Variants in FCHSD2 observed in about 807,000 individuals in gnomAD.
FCHSD2 encodes F-BAR and double SH3 domains protein 2.
Under a neutral mutation model 108.1 loss-of-function variants are expected in FCHSD2, and 38 were observed. The observed-to-expected ratio is 0.35, with a 90% CI of 0.27 to 0.46. The LOEUF (loss-of-function observed/expected upper bound fraction) is 0.46, where lower values mean the gene tolerates loss of function less well. FCHSD2 is among the 20% of genes least tolerant of loss of function. The probability of loss-of-function intolerance (pLI) is 1.00; values close to 1 mark genes in which losing one functional copy is unlikely to be tolerated. For synonymous variants in FCHSD2, 279 were observed against 314.7 expected, an observed-to-expected ratio of 0.89 and a Z score of 1.20; for missense variants, 751 against 897.8, an observed-to-expected ratio of 0.84 and a Z score of 2.09.
intron 3 of FCHSD2, among the ~76,000 whole-genome samples, chr11:73,046,877 C>G (rs894145822): frequency 1.3e-5 from 2 of 151,986 alleles, no homozygotes; most frequent in Non-Finnish European, 2.9e-5. Flanking sequence ...GCTACCATGC[C>G]CAGTCACAGT....
At chr11:73,098,664 A>C (rs1591551772) in intron 2 of FCHSD2, among the ~76,000 whole-genome samples, 1 of 152,220 alleles carries the variant, frequency 6.6e-6, no homozygotes, top group East Asian at 1.9e-4. Context: ...AGAGCACTAA[A>C]CTGAGAAAGA....
At chr11:72,941,865 A>G (rs1856426549) in intron 8 of FCHSD2, among the ~76,000 whole-genome samples, 1 of 152,218 alleles carries the variant, frequency 6.6e-6, no homozygotes. Context: ...GGAAGTTATC[A>G]AAGAGGTGTA....
At chr11:72,944,719 G>A (rs530214819) in intron 8 of FCHSD2, among the ~76,000 whole-genome samples, 28 of 152,022 alleles carry the variant, frequency 1.8e-4, no homozygotes, top group Non-Finnish European at 3.7e-4. Context: ...ATACAAAATC[G>A]ATGTGCAAAA....
intron 3 of FCHSD2, among the ~76,000 whole-genome samples, chr11:73,031,598 G>A (rs751893292): frequency 6.6e-6 from 1 of 152,122 alleles, no homozygotes; most frequent in African/African-American, 2.4e-5. Flanking sequence ...TATGTTGTTC[G>A]ATCTTCACTT....
intron 8 of FCHSD2, among the ~76,000 whole-genome samples, chr11:72,935,682 T>G (rs1856285370): frequency 6.6e-6 from 1 of 152,220 alleles, no homozygotes; most frequent in Non-Finnish European, 1.5e-5. Flanking sequence ...TGTAAATATC[T>G]TAATATGTAG....
chr11:72,961,057 A>T (rs1856810028), intron 8 of FCHSD2, among the ~76,000 whole-genome samples: 1 of 152,194 alleles, frequency 6.6e-6, no homozygotes, highest in South Asian at 2.1e-4. Context: ...CTGCCTTAGC[A>T]CTGCTCAAAC....
intron 8 of FCHSD2, among the ~76,000 whole-genome samples, chr11:72,961,957 T>G (rs542391002): frequency 6.6e-6 from 1 of 152,334 alleles, no homozygotes; most frequent in African/African-American, 2.4e-5. Flanking sequence ...TTGTTTCATC[T>G]CTGCATCCCT....
intron 3 of FCHSD2, among the ~76,000 whole-genome samples, chr11:73,037,849 A>G (rs946652228): frequency 5.9e-5 from 9 of 152,250 alleles, no homozygotes; most frequent in African/African-American, 2.2e-4. Context: ...CATAGTGGAC[A>G]ACTTTAGGAA....
intron 8 of FCHSD2, among the ~76,000 whole-genome samples, chr11:72,931,759 T>C (rs1393231213): frequency 6.6e-6 from 1 of 152,136 alleles, no homozygotes; most frequent in Non-Finnish European, 1.5e-5. Context: ...AGCAAGACCC[T>C]GTCTCAAAAA....
intron 12 of FCHSD2, among the ~76,000 whole-genome samples, chr11:72,885,327 C>G (rs1253914069): frequency 6.6e-6 from 1 of 152,152 alleles, no homozygotes; most frequent in Non-Finnish European, 1.5e-5. Flanking sequence ...TTTTAGCATA[C>G]TATATTCAAC....
At chr11:72,976,126 T>C (rs533936062) in intron 8 of FCHSD2, among the ~76,000 whole-genome samples, 7 of 152,268 alleles carry the variant, frequency 4.6e-5, no homozygotes, top group Admixed American at 4.6e-4. Flanking sequence ...AGTTTTTTGT[T>C]TGTTTGTTTT....
intron 3 of FCHSD2, among the ~76,000 whole-genome samples, chr11:73,050,408 T>G (rs1423154112): frequency 6.6e-6 from 1 of 152,212 alleles, no homozygotes; most frequent in African/African-American, 2.4e-5. Context: ...CAGACATATA[T>G]GTACATTTAT....
intron 13 of FCHSD2, among the ~76,000 whole-genome samples, chr11:72,850,301 G>C (rs905511583): frequency 6.6e-6 from 1 of 152,082 alleles, no homozygotes; most frequent in African/African-American, 2.4e-5. Context: ...CTGGCCTCAA[G>C]TGATCCACTC....
intron 11 of FCHSD2, 28 bp downstream of exon 11, chr11:72,889,801 T>C (rs760446562): frequency 9.2e-6 from 12 of 1,300,282 alleles, no homozygotes; most frequent in Non-Finnish European, 1.2e-5. Flanking sequence ...TTAAGGTGAA[T>C]GTAACTAGGA....
At chr11:72,961,013 G>A (rs892438204) in intron 8 of FCHSD2, among the ~76,000 whole-genome samples, 2 of 152,156 alleles carry the variant, frequency 1.3e-5, no homozygotes, top group African/African-American at 4.8e-5. Flanking sequence ...AGAAAATGGT[G>A]ACCTAGGAAT....
intron 8 of FCHSD2, among the ~76,000 whole-genome samples, chr11:72,942,484 C>G (rs999843072): frequency 6.6e-6 from 1 of 152,096 alleles, no homozygotes; most frequent in African/African-American, 2.4e-5. Context: ...AAAGGACTTA[C>G]GTGTATAACA....
At chr11:72,868,690 A>AAAAC (rs150087439) in intron 12 of FCHSD2, among the ~76,000 whole-genome samples, 4,472 of 150,864 alleles carry the variant, frequency 0.03, 140 homozygotes, top group African/African-American at 0.079. Flanking sequence ...GACTCTGTTA[A>AAAAC]AAACAAACAA....
chr11:73,082,661 T>C (rs947067497), intron 3 of FCHSD2, among the ~76,000 whole-genome samples: 6 of 152,170 alleles, frequency 3.9e-5, no homozygotes, highest in Non-Finnish European at 7.4e-5. Flanking sequence ...GCAGCAATAG[T>C]GGTTACCATG....
chr11:72,940,795 T>C (rs1199545596), intron 8 of FCHSD2: 8 of 848,366 alleles, frequency 9.4e-6, no homozygotes, highest in Non-Finnish European at 1.6e-5. Context: ...AAGCCTTCAG[T>C]GCGTTGCAGA....
Sources: gnomAD v4.1 joint callset for allele counts (sites outside exome capture counted in the v4.1 genomes callset) on GRCh38, gnomAD v4.1.1 for gene constraint, MANE v1.5 for transcripts, NCBI Gene and HGNC (gene_info 2026-07-23, HGNC 2026-07-21) for gene names.